The following ARIH1 variants were observed in gnomAD, a reference collection of about 807,000 sequenced individuals.
ARIH1 encodes the protein E3 ubiquitin-protein ligase ARIH1.
In ARIH1, 8 loss-of-function variants were observed where a neutral mutation model predicts 85.0. The ratio of observed to expected loss-of-function variants is 0.09; its 90% CI spans 0.06 to 0.17. ARIH1 has a LOEUF of 0.17. Among genes scored for constraint, ARIH1 ranks in the 10% least tolerant of loss-of-function variants. The probability of loss-of-function intolerance (pLI) is 1.00; values close to 1 mark genes in which losing one functional copy is unlikely to be tolerated. For synonymous variants in ARIH1, 238 were observed against 253.6 expected (o/e 0.94, Z 0.59); for missense variants, 311 against 718.1 (o/e 0.43, Z 6.48).
intron 5 of ARIH1, among the ~76,000 whole-genome samples, chr15:72,558,066 TC>T (rs2064182415): frequency 6.6e-6 from 1 of 152,214 alleles, no homozygotes; most frequent in Non-Finnish European, 1.5e-5. Flanking sequence ...GGCCAGGACT[TC>T]CAGTACTATG....
chr15:72,485,659 T>G (rs2063834789), intron 1 of ARIH1, among the ~76,000 whole-genome samples: 1 of 152,182 alleles, frequency 6.6e-6, no homozygotes, highest in Non-Finnish European at 1.5e-5. Flanking sequence ...AAAATTTTTC[T>G]TCCTGAGGTT....
At chr15:72,489,207 T>C in intron 1 of ARIH1, among the ~76,000 whole-genome samples, 1 of 125,874 alleles carries the variant, frequency 7.9e-6, no homozygotes, top group Admixed American at 1.1e-4. Flanking sequence ...GAGATTGTGC[T>C]ACTGCACTCC....
intron 1 of ARIH1, among the ~76,000 whole-genome samples, chr15:72,506,164 C>CTTT (rs1166959567): frequency 6.6e-6 from 1 of 151,734 alleles, no homozygotes; most frequent in Non-Finnish European, 1.5e-5. Flanking sequence ...CTGGCTAACA[C>CTTT]GGTGAAACTC....
intron 1 of ARIH1, among the ~76,000 whole-genome samples, chr15:72,486,132 C>T (rs1595849135): frequency 6.6e-6 from 1 of 152,040 alleles, no homozygotes; most frequent in South Asian, 2.1e-4. Flanking sequence ...TGTCATTCAC[C>T]TAGTGATAGG....
Position 72,583,379 on chromosome 15 carries a change from C to G in ARIH1, c.*87C>G. 1 of 1,086,862 alleles carries G rather than the reference C, an allele frequency of 9.2e-7. No individual in the cohort carries two copies. The highest frequency in any genetic ancestry group is 1.4e-6 in the Non-Finnish European group (1 of 725,170). 67.3% of individuals were successfully genotyped at this position (1,086,862 alleles called of 1,614,324 possible). Reference sequence around the variant, plus strand: ...AACAAAACAAACACAAACAAGGAGGCACTAAGCCTATTCTGACACCACTGG... The same window carrying G: ...AACAAAACAAACACAAACAAGGAGGGACTAAGCCTATTCTGACACCACTGG... On this transcript the variant is annotated 3_prime_UTR_variant, in exon 14 of 14. Transcript: ENST00000379887.
chr15:72,533,997 A>G (rs1220188018), intron 2 of ARIH1, among the ~76,000 whole-genome samples: 1 of 152,124 alleles, frequency 6.6e-6, no homozygotes, highest in African/African-American at 2.4e-5. Flanking sequence ...TCACTATTAC[A>G]CTAGATAGAT....
Position 72,474,458 on chromosome 15 carries a change from C to A in ARIH1, c.-182C>A, listed in dbSNP as rs2063784607. ...GCTCCCTCCCTCCCTCCTCCGCGCC[C>A]TCCCCGCCGCCACCAGCCGTCAAAC... On this transcript the variant is annotated 5_prime_UTR_variant, in exon 1 of 14. Coordinates refer to ENST00000379887, the MANE Select transcript of ARIH1 (RefSeq NM_005744.5). 1 of 788,160 alleles carries A rather than the reference C, an allele frequency of 1.3e-6. No individual in the cohort carries two copies. The highest frequency in any genetic ancestry group is 3.6e-5 in the East Asian group (1 of 27,652). The allele number at this position is 788,160 out of a possible 1,614,324, so 48.8% of individuals were successfully genotyped here. A position where few individuals can be genotyped will look rare whatever the true frequency, so the allele number is the denominator to read the frequency against.
rs938598588 is a variant in ARIH1, at chr15:72,531,578, A to G, written c.444-13242A>G. ...CCACTGGGCCTGACCAGAAATCCAC[A>G]TTTAAAAACATCTTAGTAAAACTAC... On this transcript the variant is annotated intron_variant, in intron 2 of 13. Transcript: ENST00000379887. 1.2e-4 allele frequency among the ~76,000 whole-genome samples: 18 copies of G among 152,304 alleles called. No individual in the cohort carries two copies. In the East Asian group the frequency reaches 3.5e-3, roughly 29 times the overall value.
chr15:72,567,971 T>C (rs1204434626), intron 9 of ARIH1, among the ~76,000 whole-genome samples: 1 of 152,166 alleles, frequency 6.6e-6, no homozygotes, highest in Non-Finnish European at 1.5e-5. Flanking sequence ...GATTAAGAAG[T>C]GTGTAAACAA....
rs968975390 is a variant in ARIH1, at chr15:72,592,415, T to G, written c.*9123T>G. 6.6e-6 allele frequency: 1 copy of G among 152,224 alleles called. No homozygotes were observed. Among genetic ancestry groups the G allele is most frequent in the Non-Finnish European group, 1.5e-5 (1 of 68,030 alleles). 9.4% of individuals were successfully genotyped at this position (152,224 alleles called of 1,614,324 possible). On this transcript the variant is annotated 3_prime_UTR_variant, in exon 14 of 14. Coordinates refer to ENST00000379887, the MANE Select transcript of ARIH1 (RefSeq NM_005744.5). ...ATAGGAAGCCACTACTCACCTTTAT[T>G]TTAAATTGATATATAGAAATTAATA...
intron 3 of ARIH1, among the ~76,000 whole-genome samples, chr15:72,547,774 G>C (rs1458057007): frequency 6.6e-6 from 1 of 152,176 alleles, no homozygotes; most frequent in Non-Finnish European, 1.5e-5. Context: ...CTAAGACCCA[G>C]GTTTTACAAG....
chr15:72,506,072 A>G lies in ARIH1; in HGVS notation c.376-11995A>G, dbSNP rs1003770869. ...TTTAAAAACTTAGTCATTGTGGGCCAGGCGCGTGGCTCACGCCTATAATAC... is the reference window on the plus strand; with the variant it reads ...TTTAAAAACTTAGTCATTGTGGGCCGGGCGCGTGGCTCACGCCTATAATAC... On this transcript the variant is annotated intron_variant, in intron 1 of 13. Coordinates refer to ENST00000379887, the MANE Select transcript of ARIH1 (RefSeq NM_005744.5). 2.3e-4 allele frequency among the ~76,000 whole-genome samples: 6 copies of G among 26,154 alleles called. No individual in the cohort carries two copies. The Non-Finnish European group carries it at 0.012, about 53-fold the overall frequency. The allele number at this position is 26,154 out of a possible 152,430, so 17.2% of individuals were successfully genotyped here. A position where few individuals can be genotyped will look rare whatever the true frequency, so the allele number is the denominator to read the frequency against.
intron 1 of ARIH1, among the ~76,000 whole-genome samples, chr15:72,478,069 G>A (rs755747276): frequency 1.3e-5 from 2 of 152,120 alleles, no homozygotes; most frequent in Non-Finnish European, 2.9e-5. Flanking sequence ...GCCTCCCAAA[G>A]TGCTGGGATT....
chr15:72,510,462 A>T (rs1342571565), intron 1 of ARIH1, among the ~76,000 whole-genome samples: 1 of 152,098 alleles, frequency 6.6e-6, no homozygotes, highest in African/African-American at 2.4e-5. Flanking sequence ...ACATTTTAAA[A>T]ATATGTACAT....
intron 9 of ARIH1, among the ~76,000 whole-genome samples, chr15:72,567,723 G>A (rs972424421): frequency 3.3e-5 from 5 of 152,140 alleles, no homozygotes; most frequent in African/African-American, 7.2e-5. Flanking sequence ...AATGCCAACC[G>A]TGTACCCAGC....
chr15:72,504,663 G>A (rs1475131787), intron 1 of ARIH1, among the ~76,000 whole-genome samples: 3 of 152,092 alleles, frequency 2.0e-5, no homozygotes, highest in Non-Finnish European at 4.4e-5. Flanking sequence ...AGCAACATTC[G>A]ATTGGTAAAA....
intron 11 of ARIH1, 69 bp downstream of exon 11, chr15:72,572,234 AT>A (rs2064251505): frequency 2.6e-6 from 3 of 1,132,184 alleles, no homozygotes; most frequent in South Asian, 2.7e-5. Flanking sequence ...TCATTAGAGA[AT>A]AATTTTTTTT....
chr15:72,544,815 T>C lies in ARIH1; in HGVS notation c.444-5T>C. ...GCTCTTATCCTTTCTGTTTAAATAA[T>C]GCAGGTACTTTGATGGAAACCTGGA... On this transcript the variant is annotated splice_polypyrimidine_tract_variant and splice_region_variant and intron_variant, in intron 2 of 13. Coordinates refer to ENST00000379887, the MANE Select transcript of ARIH1 (RefSeq NM_005744.5). 1 of 1,610,402 alleles carries C rather than the reference T, an allele frequency of 6.2e-7. No individual in the cohort carries two copies. Among genetic ancestry groups the C allele is most frequent in the Non-Finnish European group, 8.5e-7 (1 of 1,177,418 alleles).
intron 1 of ARIH1, among the ~76,000 whole-genome samples, chr15:72,515,732 T>C (rs572653146): frequency 2.0e-4 from 31 of 152,292 alleles, no homozygotes; most frequent in Admixed American, 9.8e-4. Flanking sequence ...ATCTAGCACT[T>C]GAGCAGTGAT....
Sources: gnomAD v4.1 joint callset for allele counts (sites outside exome capture counted in the v4.1 genomes callset) on GRCh38, gnomAD v4.1.1 for gene constraint, MANE v1.5 for transcripts, NCBI Gene and HGNC (gene_info 2026-07-23, HGNC 2026-07-21) for gene names.